The following ANGPT1 variants were observed in gnomAD, a reference collection of about 807,000 sequenced individuals.
ANGPT1 encodes angiopoietin-1.
ANGPT1 carries 17 observed loss-of-function variants against 62.2 expected under a neutral mutation model. The observed-to-expected ratio is 0.27, with a 90% CI of 0.19 to 0.41. ANGPT1 has a LOEUF of 0.41. Ranked by LOEUF, ANGPT1 falls within the 10% of genes least tolerant of loss-of-function variation. ANGPT1 has a pLI of 1.00. For synonymous variants in ANGPT1, 199 were observed against 198.9 expected (o/e 1.00, Z 0.00); for missense variants, 478 against 594.9 (o/e 0.80, Z 2.04).
At chr8:107,453,290 T>A (rs1811825231) in intron 1 of ANGPT1, among the ~76,000 whole-genome samples, 4 of 152,068 alleles carry the variant, frequency 2.6e-5, no homozygotes, top group African/African-American at 9.7e-5. Context: ...ATACCATTTT[T>A]AAGTTTATAT....
intron 1 of ANGPT1, among the ~76,000 whole-genome samples, chr8:107,353,463 C>A (rs1310954692): frequency 1.3e-5 from 2 of 152,146 alleles, no homozygotes; most frequent in Non-Finnish European, 2.9e-5. Flanking sequence ...TTTGCCTTTG[C>A]TGATTCCTGA....
chr8:107,263,338 G>C (rs1264530148), intron 8 of ANGPT1, among the ~76,000 whole-genome samples: 3 of 80,400 alleles, frequency 3.7e-5, no homozygotes, highest in Non-Finnish European at 6.6e-5. Context: ...TAGGCAAGAA[G>C]AGCAAAACTC....
rs543067642 is a variant in ANGPT1, at chr8:107,406,967, G to C, written c.298-59870C>G. 7.9e-5 allele frequency among the ~76,000 whole-genome samples: 12 copies of C among 151,218 alleles called. No homozygotes were observed. In the South Asian group the frequency reaches 1.9e-3, roughly 24 times the overall value. On this transcript the variant is annotated intron_variant, in intron 1 of 8. Coordinates refer to ENST00000517746, the MANE Select transcript of ANGPT1 (RefSeq NM_001146.5). Reference sequence around the variant, plus strand: ...GTCAGTTTATATGTGATGAAAGCCTGCAGTGTATTGGTCTTTTGAGAAAGA... The same window carrying C: ...GTCAGTTTATATGTGATGAAAGCCTCCAGTGTATTGGTCTTTTGAGAAAGA...
chr8:107,324,525 T>C (rs1815240468), intron 3 of ANGPT1, among the ~76,000 whole-genome samples: 1 of 152,148 alleles, frequency 6.6e-6, no homozygotes, highest in Non-Finnish European at 1.5e-5. Context: ...AGCCTAGCCC[T>C]GCAGGCACCT....
chr8:107,279,227 A>C (rs1449528770), intron 7 of ANGPT1, among the ~76,000 whole-genome samples: 3 of 152,194 alleles, frequency 2.0e-5, no homozygotes, highest in Non-Finnish European at 4.4e-5. Flanking sequence ...TTTATCAAAG[A>C]ATTGAAAGGT....
At chr8:107,290,441 A>G (rs1249748510) in intron 6 of ANGPT1, among the ~76,000 whole-genome samples, 1 of 152,176 alleles carries the variant, frequency 6.6e-6, no homozygotes, top group Admixed American at 6.6e-5. Context: ...TGAAGAAGTG[A>G]GCAGGCAGTT....
chr8:107,383,758 C>T (rs1469186396), intron 1 of ANGPT1, among the ~76,000 whole-genome samples: 1 of 152,136 alleles, frequency 6.6e-6, no homozygotes, highest in Non-Finnish European at 1.5e-5. Context: ...AGATTACAAA[C>T]TTTCAGAAAG....
At position 107,284,608 on chromosome 8, in the gene ANGPT1, T is replaced by C. The variant is rs1814094244; in HGVS notation, c.1205+74A>G. On this transcript the variant is annotated intron_variant, in intron 7 of 8. Transcript: ENST00000517746. ...TGAAGGATGATTTTCATTTCTTTTTTTCATATTTTCCCACTACAATTATTA... is the reference window on the plus strand; with the variant it reads ...TGAAGGATGATTTTCATTTCTTTTTCTCATATTTTCCCACTACAATTATTA... 1.7e-5 allele frequency: 22 copies of C among 1,259,098 alleles called. No homozygotes were observed. The South Asian group carries it at 5.0e-4, about 29-fold the overall frequency. 78.0% of individuals were successfully genotyped at this position (1,259,098 alleles called of 1,614,324 possible).
chr8:107,423,994 C>T (rs576639800), intron 1 of ANGPT1, among the ~76,000 whole-genome samples: 30 of 151,690 alleles, frequency 2.0e-4, no homozygotes, highest in Non-Finnish European at 2.7e-4. Context: ...GTGTGCACCA[C>T]CACATCGGGC....
At chr8:107,495,790 C>G (rs1563649064) in intron 1 of ANGPT1, among the ~76,000 whole-genome samples, 1 of 152,142 alleles carries the variant, frequency 6.6e-6, no homozygotes, top group Non-Finnish European at 1.5e-5. Flanking sequence ...TAAACTACTA[C>G]TGAAAGTAAT....
At chr8:107,441,721 C>T (rs890303376) in intron 1 of ANGPT1, among the ~76,000 whole-genome samples, 3 of 152,052 alleles carry the variant, frequency 2.0e-5, no homozygotes, top group Non-Finnish European at 4.4e-5. Context: ...TGAGATTATA[C>T]GTGGTTCAGG....
chr8:107,371,865 G>C (rs1816422511), intron 1 of ANGPT1, among the ~76,000 whole-genome samples: 1 of 152,076 alleles, frequency 6.6e-6, no homozygotes, highest in South Asian at 2.1e-4. Context: ...TGAATGAATG[G>C]TTTCCAACTT....
In ANGPT1 at chr8:107,334,431, G is replaced by A. The variant is rs1160521091; in HGVS notation, c.575+1719C>T. 3.9e-5 allele frequency among the ~76,000 whole-genome samples: 6 copies of A among 152,184 alleles called. No homozygotes were observed. The South Asian group carries it at 6.2e-4, about 16-fold the overall frequency. On this transcript the variant is annotated intron_variant, in intron 3 of 8. Coordinates refer to ENST00000517746, the MANE Select transcript of ANGPT1 (RefSeq NM_001146.5). ...GTCAGACTTCCAGACTGTGTGTAAG[G>A]TATGACAGAACTTTTTGTGAAAATG...
intron 2 of ANGPT1, 119 bp downstream of exon 2, chr8:107,346,823 A>T: frequency 1.1e-6 from 1 of 937,680 alleles, no homozygotes; most frequent in Non-Finnish European, 1.5e-6. Context: ...ATTACCAATA[A>T]ACAAAAATGT....
intron 4 of ANGPT1, among the ~76,000 whole-genome samples, chr8:107,313,107 AT>A (rs1424691213): frequency 6.6e-6 from 1 of 152,064 alleles, no homozygotes; most frequent in East Asian, 1.9e-4. Context: ...ACTTGTGAAA[AT>A]GGAACGTTCA....
chr8:107,481,341 T>C (rs552093281), intron 1 of ANGPT1, among the ~76,000 whole-genome samples: 1 of 151,948 alleles, frequency 6.6e-6, no homozygotes, highest in East Asian at 1.9e-4. Flanking sequence ...GAAACCATCC[T>C]GGCCAACATG....
intron 3 of ANGPT1, among the ~76,000 whole-genome samples, chr8:107,330,240 C>A (rs562487265): frequency 6.6e-6 from 1 of 152,272 alleles, no homozygotes; most frequent in African/African-American, 2.4e-5. Flanking sequence ...TAACTTCATA[C>A]AGTACAATTA....
At chr8:107,359,548 T>C (rs1816116525) in intron 1 of ANGPT1, among the ~76,000 whole-genome samples, 1 of 152,170 alleles carries the variant, frequency 6.6e-6, no homozygotes, top group South Asian at 2.1e-4. Context: ...ATTACCACAA[T>C]TATAAAGACA....
intron 1 of ANGPT1, among the ~76,000 whole-genome samples, chr8:107,348,160 C>T (rs2130163505): frequency 6.6e-6 from 1 of 152,264 alleles, no homozygotes; most frequent in East Asian, 1.9e-4. Context: ...AAGTCCTTAA[C>T]TCTCATACCA....
Sources: gnomAD v4.1 joint callset for allele counts (sites outside exome capture counted in the v4.1 genomes callset) on GRCh38, gnomAD v4.1.1 for gene constraint, MANE v1.5 for transcripts, NCBI Gene and HGNC (gene_info 2026-07-23, HGNC 2026-07-21) for gene names.